TPD52L1: variants seen among roughly 807,000 people sequenced by gnomAD.
TPD52L1 encodes tumor protein D53.
Under a neutral mutation model 28.7 loss-of-function variants are expected in TPD52L1, and 18 were observed. The ratio of observed to expected loss-of-function variants is 0.63; its 90% CI spans 0.43 to 0.93. The LOEUF is 0.93. Ranked by LOEUF, TPD52L1 falls within the 40% of genes least tolerant of loss-of-function variation. TPD52L1 has a pLI of 0.00. For missense variants in TPD52L1, 203 were observed against 254.8 expected, an observed-to-expected ratio of 0.80 and a Z score of 1.39; for synonymous variants, 75 against 88.8, an observed-to-expected ratio of 0.84 and a Z score of 0.88.
At chr6:125,261,873 T>A (rs1220997404) in intron 6 of TPD52L1, 3 of 152,252 alleles carry the variant, frequency 2.0e-5, no homozygotes, top group African/African-American at 7.2e-5. Flanking sequence ...ATATTCATAC[T>A]GTAAGGGTGT....
intron 4 of TPD52L1, among the ~76,000 whole-genome samples, chr6:125,250,087 C>T (rs1797171624): frequency 6.6e-6 from 1 of 152,042 alleles, no homozygotes; most frequent in South Asian, 2.1e-4. Flanking sequence ...ATAGGAAACC[C>T]TCTATAACCT....
intron 1 of TPD52L1, among the ~76,000 whole-genome samples, chr6:125,168,442 C>G (rs1791053544): frequency 6.6e-6 from 1 of 152,110 alleles, no homozygotes; most frequent in South Asian, 2.1e-4. Context: ...AAGGGGGATC[C>G]TCTCTTCTCA....
At chr6:125,221,350 C>T (rs1795218126) in intron 2 of TPD52L1, among the ~76,000 whole-genome samples, 1 of 152,168 alleles carries the variant, frequency 6.6e-6, no homozygotes, top group African/African-American at 2.4e-5. Flanking sequence ...GGACTGACTC[C>T]ACATATTCTT....
chr6:125,245,168 C>T (rs547752267), intron 3 of TPD52L1, among the ~76,000 whole-genome samples: 30 of 152,278 alleles, frequency 2.0e-4, no homozygotes, highest in Non-Finnish European at 3.4e-4. Flanking sequence ...TTGGGTTTAA[C>T]GTGCCGGCTT....
chr6:125,220,308 A>T, intron 2 of TPD52L1, 115 bp downstream of exon 2: 1 of 669,800 alleles, frequency 1.5e-6, no homozygotes, highest in South Asian at 2.1e-5. Flanking sequence ...CTTTCATTTA[A>T]TAAAATTTAT....
intron 1 of TPD52L1, among the ~76,000 whole-genome samples, chr6:125,192,870 A>G (rs1793150403): frequency 1.3e-5 from 2 of 152,096 alleles, no homozygotes; most frequent in Admixed American, 1.3e-4. Context: ...CAAATGTCCC[A>G]CCTGATTTCT....
At chr6:125,158,849 T>A (rs969865748) in intron 1 of TPD52L1, among the ~76,000 whole-genome samples, 1 of 152,216 alleles carries the variant, frequency 6.6e-6, no homozygotes, top group African/African-American at 2.4e-5. Context: ...GTTTTTTGGT[T>A]TTCTAGTGCA....
chr6:125,220,798 A>G (rs3823221), intron 2 of TPD52L1, among the ~76,000 whole-genome samples: 90,609 of 152,016 alleles, frequency 0.6, 29,246 homozygotes, highest in African/African-American at 0.85. Context: ...ATGAATACAC[A>G]TCTTTGTTCA....
At chr6:125,178,645 CAAAACAAAACAAAAT>C (rs1791973683) in intron 1 of TPD52L1, among the ~76,000 whole-genome samples, 1 of 143,900 alleles carries the variant, frequency 6.9e-6, no homozygotes, top group Admixed American at 6.9e-5. Context: ...CAAAACAAAA[CAAAACAAAACAAAAT>C]ATATATATAT....
chr6:125,249,886 G>A (rs542458527), intron 4 of TPD52L1, among the ~76,000 whole-genome samples: 1 of 151,896 alleles, frequency 6.6e-6, no homozygotes, highest in Non-Finnish European at 1.5e-5. Flanking sequence ...ATGAATCTGA[G>A]TACATTGTTT....
At chr6:125,260,131 T>G (rs1797825524) in intron 6 of TPD52L1, 1 of 152,228 alleles carries the variant, frequency 6.6e-6, no homozygotes, top group Non-Finnish European at 1.5e-5. Flanking sequence ...TTCAATATTG[T>G]GTGTTACTTC....
chr6:125,221,047 G>A (rs576874528), intron 2 of TPD52L1, among the ~76,000 whole-genome samples: 6 of 152,252 alleles, frequency 3.9e-5, no homozygotes, highest in African/African-American at 1.4e-4. Flanking sequence ...ACACAGCTCT[G>A]AGCTCCACCT....
intron 1 of TPD52L1, among the ~76,000 whole-genome samples, chr6:125,209,824 A>T (rs1794382582): frequency 6.6e-6 from 1 of 152,168 alleles, no homozygotes; most frequent in South Asian, 2.1e-4. Flanking sequence ...GATCTTAAAA[A>T]CTGTACAGAA....
intron 4 of TPD52L1, 82 bp downstream of exon 4, chr6:125,248,465 C>T: frequency 1.1e-6 from 1 of 935,014 alleles, no homozygotes; most frequent in Non-Finnish European, 1.7e-6. Context: ...AGCTGCTCAT[C>T]TCAACATATG....
chr6:125,224,649 A>T (rs1795483241), intron 2 of TPD52L1, among the ~76,000 whole-genome samples: 1 of 152,202 alleles, frequency 6.6e-6, no homozygotes, highest in African/African-American at 2.4e-5. Flanking sequence ...TAGCCCAGAG[A>T]GGCAGGCCTT....
intron 4 of TPD52L1, among the ~76,000 whole-genome samples, chr6:125,249,775 T>A (rs1442162396): frequency 2.0e-5 from 3 of 151,672 alleles, no homozygotes; most frequent in African/African-American, 7.3e-5. Context: ...GATACATCTT[T>A]ATAAATTATA....
intron 1 of TPD52L1, among the ~76,000 whole-genome samples, chr6:125,172,432 C>T (rs1381277919): frequency 1.5e-5 from 2 of 132,268 alleles, no homozygotes; most frequent in Non-Finnish European, 3.1e-5. Context: ...GGATTATAGG[C>T]ATTAGCCACC....
At chr6:125,220,528 A>G (rs1054884967) in intron 2 of TPD52L1, among the ~76,000 whole-genome samples, 2 of 152,208 alleles carry the variant, frequency 1.3e-5, no homozygotes, top group Non-Finnish European at 2.9e-5. Context: ...ATTCCAGACC[A>G]TGTTATAGGT....
At chr6:125,228,184 A>T (rs1795728515) in intron 2 of TPD52L1, among the ~76,000 whole-genome samples, 1 of 152,198 alleles carries the variant, frequency 6.6e-6, no homozygotes, top group Non-Finnish European at 1.5e-5. Flanking sequence ...AAAGAAAGTC[A>T]GTCAGTGGCT....
Sources: gnomAD v4.1 joint callset for allele counts (sites outside exome capture counted in the v4.1 genomes callset) on GRCh38, gnomAD v4.1.1 for gene constraint, MANE v1.5 for transcripts, NCBI Gene and HGNC (gene_info 2026-07-23, HGNC 2026-07-21) for gene names.